Variants in HOXD10 observed in about 807,000 individuals in gnomAD.
The protein encoded by HOXD10 is homeobox D10.
In HOXD10, 15 loss-of-function variants were observed where a neutral mutation model predicts 27.0. The observed-to-expected ratio is 0.56, with a 90% CI of 0.37 to 0.85. The LOEUF is 0.85. HOXD10 is among the 40% of genes least tolerant of loss of function. The pLI, the probability that HOXD10 is intolerant of heterozygous loss-of-function variation, is 0.00. For missense variants in HOXD10, 440 were observed against 430.4 expected (o/e 1.02, Z -0.20); for synonymous variants, 178 against 160.9 (o/e 1.11, Z -0.80).
rs745904700 is a variant in HOXD10, at chr2:176,116,839, C to CT, written c.9dup (p.Pro4SerfsTer8). ...TCTTCAAATTCTTCCCCAAAATGTC[C>CT]TTTCCCAACAGCTCTCCTGCTGCTA... is the stretch of plus-strand genomic sequence containing the variant. On this transcript the variant is annotated frameshift_variant, in exon 1 of 2. Coordinates refer to ENST00000249501, the MANE Select transcript of HOXD10 (RefSeq NM_002148.4). LOFTEE classifies it high-confidence loss of function. The CT allele has an allele frequency of 6.2e-7, 1 of 1,613,962 alleles. No homozygotes were observed. Among genetic ancestry groups the CT allele is most frequent in the Admixed American group, 1.7e-5 (1 of 60,026 alleles).
Position 176,119,417 on chromosome 2 carries a change from G to T in HOXD10, c.*186G>T. On this transcript the variant is annotated 3_prime_UTR_variant, in exon 2 of 2. Coordinates refer to ENST00000249501, the MANE Select transcript of HOXD10 (RefSeq NM_002148.4). ...GGGTCATTATGTTCGTGCTGCAAGT[G>T]ATCTGTAATCCCTATGAGTATATAT... 1 of 486,676 alleles carries T rather than the reference G, an allele frequency of 2.1e-6. No individual in the cohort carries two copies. Among genetic ancestry groups the T allele is most frequent in the Non-Finnish European group, 3.7e-6 (1 of 269,194 alleles). The allele number at this position is 486,676 out of a possible 1,614,324, so 30.1% of individuals were successfully genotyped here. A position where few individuals can be genotyped will look rare whatever the true frequency, so the allele number is the denominator to read the frequency against.
In HOXD10 at chr2:176,117,295, G is replaced by C; in HGVS notation, c.462G>C (p.Leu154=). Residue 154 remains leucine, a synonymous_variant, in exon 1 of 2, where the codon CTG becomes CTC. Transcript: ENST00000249501. ...PEVPVPGYFR[L]SQTYATGKTQ... is the part of the protein sequence containing the mutation. Reference sequence around the variant, plus strand: ...TTCCCGTCCCTGGATATTTTAGACTGAGTCAGACCTACGCCACCGGGAAAA... The same window carrying C: ...TTCCCGTCCCTGGATATTTTAGACTCAGTCAGACCTACGCCACCGGGAAAA... The C allele has an allele frequency of 6.2e-7, 1 of 1,612,762 alleles. No individual in the cohort carries two copies. The highest frequency in any genetic ancestry group is 8.5e-7 in the Non-Finnish European group (1 of 1,178,944).
rs1689763026 is a variant in HOXD10, at chr2:176,116,795, C to T, written c.-39C>T. The stretch of plus-strand genomic sequence containing the variant: ...ATGTTTTCCTAGAGATGTCAGCCTA[C>T]AAAGGACACAATCTCTCTTCTTCAA... On this transcript the variant is annotated 5_prime_UTR_variant, in exon 1 of 2. Transcript: ENST00000249501. The T allele has an allele frequency of 6.2e-7, 1 of 1,603,544 alleles. No homozygotes were observed. Among genetic ancestry groups the T allele is most frequent in the Non-Finnish European group, 8.5e-7 (1 of 1,170,646 alleles).
chr2:176,117,388 G>C lies in HOXD10; in HGVS notation c.555G>C (p.Ala185=), dbSNP rs1689776808. 1.2e-6 allele frequency: 2 copies of C among 1,613,326 alleles called. No homozygotes were observed. The highest frequency in any genetic ancestry group is 1.7e-6 in the Non-Finnish European group (2 of 1,180,012). Reference sequence around the variant, plus strand: ...TGCTCCAGCTCAACCCTCGTGGCGCGGCCAAGCCGCAGCTCTCCGCTGCCC... The same window carrying C: ...TGCTCCAGCTCAACCCTCGTGGCGCCGCCAAGCCGCAGCTCTCCGCTGCCC... ...TVMLQLNPRG[A]AKPQLSAAQL... The change falls in exon 1 of 2, where the codon GCG becomes GCC. Residue 185 remains alanine, a synonymous_variant. Transcript: ENST00000249501.
chr2:176,118,818 C>T (rs1689809157), intron 1 of HOXD10, 136 bp from the exon 2 acceptor site: 2 of 756,190 alleles, frequency 2.6e-6, no homozygotes, highest in Non-Finnish European at 4.4e-6. Context: ...GGGTCACGGC[C>T]AAGGGTACAT....
rs1553518855 is a variant in HOXD10, at chr2:176,119,466, A to ATATATATATATATATATAT, written c.*235_*236insTATATATATATATATATAT. Reference sequence around the variant, plus strand: ...ATATATATATATATATATATATATAAAAACTTAGCACGTGTAATTTATTAT... The same window carrying ATATATATATATATATATAT: ...ATATATATATATATATATATATATAATATATATATATATATATATAAACTTAGCACGTGTAATTTATTAT... On this transcript the variant is annotated 3_prime_UTR_variant, in exon 2 of 2. Transcript: ENST00000249501. 12 of 43,516 alleles carry ATATATATATATATATATAT rather than the reference A, an allele frequency of 2.8e-4. No individual in the cohort carries two copies. The highest frequency in any genetic ancestry group is 8.3e-4 in the South Asian group (1 of 1,202). The allele number at this position is 43,516 out of a possible 1,614,324, so 2.7% of individuals were successfully genotyped here.
chr2:176,117,479 G>A lies in HOXD10; in HGVS notation c.646G>A (p.Val216Met), dbSNP rs939576278. 1.9e-6 allele frequency: 3 copies of A among 1,613,144 alleles called. No homozygotes were observed. The highest frequency in any genetic ancestry group is 3.3e-4 in the Middle Eastern group (2 of 6,062). The change falls in exon 1 of 2, where the codon GTG becomes ATG. Residue 216 changes from valine (V) to methionine (M), a missense_variant. Transcript: ENST00000249501. ...SGQEPTKVSQ[V>M]ESPEAKGGLP... ...CCAGGAGCCCACCAAAGTCTCCCAG[G>A]TGGAGAGCCCCGAGGCCAAAGGCGG...
In HOXD10 at chr2:176,118,907, C is replaced by A. The variant is rs57933444; in HGVS notation, c.746-47C>A. On this transcript the variant is annotated intron_variant, in intron 1 of 1. Transcript: ENST00000249501. ...AAAAACAAAAACAAAAACAAACAAA[C>A]AAAAAACCTCTTGATTTTTTTCTTC... 5.1e-3 allele frequency: 7,738 copies of A among 1,529,636 alleles called. 371 individuals are homozygous for A. In the African/African-American group the frequency reaches 0.096, roughly 19 times the overall value. The allele number at this position is 1,529,636 out of a possible 1,614,324, so 94.8% of individuals were successfully genotyped here.
Position 176,117,144 on chromosome 2 carries a change from C to T in HOXD10, c.311C>T (p.Thr104Ile). Residue 104 changes from threonine to isoleucine, a missense_variant, in exon 1 of 2, where the codon ACC (threonine) becomes ATC (isoleucine). Transcript: ENST00000249501. ...CAGCAAGTCCCCACTTGCTCCTTCA[C>T]CACCAACATTAAGGAAGAATCCAAT... ...VTQQVPTCSF[T>I]TNIKEESNCC... is the part of the protein sequence containing the mutation. The T allele has an allele frequency of 1.9e-6, 3 of 1,614,166 alleles. No individual in the cohort carries two copies. Among genetic ancestry groups the T allele is most frequent in the Non-Finnish European group, 2.5e-6 (3 of 1,179,980 alleles).
Position 176,117,225 on chromosome 2 carries a change from A to G in HOXD10, c.392A>G (p.Tyr131Cys). 6.2e-7 allele frequency: 1 copy of G among 1,611,918 alleles called. No individual in the cohort carries two copies. The highest frequency in any genetic ancestry group is 8.5e-7 in the Non-Finnish European group (1 of 1,178,192). ...NKLISAEVPS[Y>C]QRLVPESCPV... Reference sequence around the variant, plus strand: ...CTCATTTCGGCCGAGGTCCCTTCGTACCAGAGGCTGGTCCCTGAGTCTTGT... The same window carrying G: ...CTCATTTCGGCCGAGGTCCCTTCGTGCCAGAGGCTGGTCCCTGAGTCTTGT... Residue 131 changes from tyrosine to cysteine, a missense_variant, in exon 1 of 2, where the codon TAC (tyrosine) becomes TGC (cysteine). By Grantham distance (194) the Tyr-to-Cys change is radical. Coordinates refer to ENST00000249501, the MANE Select transcript of HOXD10 (RefSeq NM_002148.4).
Position 176,119,202 on chromosome 2 carries a change from G to C in HOXD10, c.994G>C (p.Glu332Gln). The C allele has an allele frequency of 6.2e-7, 1 of 1,613,750 alleles. No individual in the cohort carries two copies. The highest frequency in any genetic ancestry group is 2.2e-5 in the East Asian group (1 of 44,862). The change falls in exon 2 of 2, where the codon GAA becomes CAA. Residue 332 changes from glutamate (E) to glutamine (Q), a missense_variant. Transcript: ENST00000249501. ...GATGAGCCGAGAGAACCGGATCCGA[G>C]AACTGACCGCCAACCTCACGTTTTC... ...KKMSRENRIR[E>Q]LTANLTFS
At chr2:176,118,310 C>T (rs1574953325) in intron 1 of HOXD10, among the ~76,000 whole-genome samples, 1 of 152,126 alleles carries the variant, frequency 6.6e-6, no homozygotes, top group Non-Finnish European at 1.5e-5. Context: ...TAGGGGGCTC[C>T]CTTTCTGGGG....
chr2:176,118,916 T>C, intron 1 of HOXD10, 38 bp from the exon 2 acceptor site: 3 of 1,560,662 alleles, frequency 1.9e-6, no homozygotes, highest in Non-Finnish European at 2.6e-6. Flanking sequence ...ACAAAAAACC[T>C]CTTGATTTTT....
intron 1 of HOXD10, among the ~76,000 whole-genome samples, chr2:176,117,973 C>A (rs1003693324): frequency 1.3e-5 from 2 of 152,164 alleles, no homozygotes; most frequent in Non-Finnish European, 2.9e-5. Flanking sequence ...TCCAGGGCAC[C>A]GTGTTCGTGT....
In HOXD10 at chr2:176,119,438, T is replaced by C; in HGVS notation, c.*207T>C. 4 of 141,778 alleles carry C rather than the reference T, an allele frequency of 2.8e-5. No individual in the cohort carries two copies. Among genetic ancestry groups the C allele is most frequent in the South Asian group, 2.2e-4 (1 of 4,506 alleles). The allele number at this position is 141,778 out of a possible 1,614,324, so 8.8% of individuals were successfully genotyped here. A position where few individuals can be genotyped will look rare whatever the true frequency, so the allele number is the denominator to read the frequency against. ...AAGTGATCTGTAATCCCTATGAGTA[T>C]ATATATATATATATATATATATATA... is the stretch of plus-strand genomic sequence containing the variant. On this transcript the variant is annotated 3_prime_UTR_variant, in exon 2 of 2. Transcript: ENST00000249501.
At position 176,116,790 on chromosome 2, in the gene HOXD10, G is replaced by A. The variant is rs1213810457; in HGVS notation, c.-44G>A. The stretch of plus-strand genomic sequence containing the variant: ...GGGGAATGTTTTCCTAGAGATGTCA[G>A]CCTACAAAGGACACAATCTCTCTTC... On this transcript the variant is annotated 5_prime_UTR_variant, in exon 1 of 2. Transcript: ENST00000249501. The A allele has an allele frequency of 4.4e-6, 7 of 1,593,612 alleles. No individual in the cohort carries two copies. The highest frequency in any genetic ancestry group is 1.7e-5 in the Admixed American group (1 of 59,992).
At chr2:176,118,816 G>A in intron 1 of HOXD10, 138 bp from the exon 2 acceptor site, 1 of 750,134 alleles carries the variant, frequency 1.3e-6, no homozygotes. Context: ...CAGGGTCACG[G>A]CCAAGGGTAC....
Position 176,119,147 on chromosome 2 carries a change from G to A in HOXD10, c.939G>A (p.Trp313Ter), listed in dbSNP as rs1170107262. 4 of 1,613,860 alleles carry A rather than the reference G, an allele frequency of 2.5e-6. No homozygotes were observed. In the African/African-American group the frequency reaches 5.3e-5, roughly 22 times the overall value. ...TCACCGACAGGCAGGTCAAGATTTG[G>A]TTTCAAAACCGCCGAATGAAACTCA... The part of the protein sequence containing the change: ...VNLTDRQVKI[W>*]FQNRRMKLKK... Residue 313 changes from tryptophan (W) to a stop codon, truncating the protein, a stop_gained, in exon 2 of 2, where the codon TGG becomes TGA. Coordinates refer to ENST00000249501, the MANE Select transcript of HOXD10 (RefSeq NM_002148.4). LOFTEE classifies it high-confidence loss of function.
rs143111542 is a variant in HOXD10, at chr2:176,117,439, C to G, written c.606C>G (p.Asn202Lys). 2.6e-4 allele frequency: 423 copies of G among 1,613,190 alleles called. No individual in the cohort carries two copies. The African/African-American group carries it at 5.1e-3, about 19-fold the overall frequency. ...AAQLQMEKKM[N>K]EPVSGQEPTK... ...AGCTGCAGATGGAAAAGAAGATGAA[C>G]GAGCCCGTGAGCGGCCAGGAGCCCA... Residue 202 changes from asparagine (N) to lysine (K), a missense_variant, in exon 1 of 2, where the codon AAC becomes AAG. Physicochemically the swap from Asn to Lys is moderately conservative, Grantham distance 94 (BLOSUM62 0). Coordinates refer to ENST00000249501, the MANE Select transcript of HOXD10 (RefSeq NM_002148.4).
Sources: allele counts gnomAD v4.1 joint callset (sites outside exome capture counted in the v4.1 genomes callset), GRCh38; gene constraint gnomAD v4.1.1; transcripts MANE v1.5; gene names NCBI Gene and HGNC (gene_info 2026-07-23, HGNC 2026-07-21).